INTS8: variants seen among roughly 807,000 people sequenced by gnomAD.
INTS8 encodes the protein integrator complex subunit 8, also known as protein kaonashi-1.
In INTS8, 47 loss-of-function variants were observed where a neutral mutation model predicts 138.9. That is an observed-to-expected ratio of 0.34 (90% confidence interval 0.27 to 0.43). The LOEUF is 0.43. Among genes scored for constraint, INTS8 ranks in the 20% least tolerant of loss-of-function variants. The probability of loss-of-function intolerance (pLI) is 1.00; values close to 1 mark genes in which losing one functional copy is unlikely to be tolerated. For synonymous variants in INTS8, 392 were observed against 400.9 expected, an observed-to-expected ratio of 0.98 and a Z score of 0.27; for missense variants, 996 against 1,173.0, an observed-to-expected ratio of 0.85 and a Z score of 2.20.
chr8:94,849,400 C>A, intron 10 of INTS8, 62 bp from the exon 11 acceptor site: 1 of 875,410 alleles, frequency 1.1e-6, no homozygotes, highest in South Asian at 1.5e-5. Context: ...CCAGCCTTTT[C>A]AAATTATAAT....
At chr8:94,862,431 G>T (rs926211095) in intron 16 of INTS8, among the ~76,000 whole-genome samples, 1 of 152,236 alleles carries the variant, frequency 6.6e-6, no homozygotes. Context: ...AGACAGCATA[G>T]TAACTCTTCT....
At position 94,880,207 on chromosome 8, in the gene INTS8, C is replaced by G; in HGVS notation, c.2961C>G (p.Leu987=). 1.9e-6 allele frequency: 3 copies of G among 1,605,858 alleles called. No homozygotes were observed. The highest frequency in any genetic ancestry group is 2.5e-6 in the Non-Finnish European group (3 of 1,176,748). The change falls in exon 27 of 27, where the codon CTC becomes CTG. Residue 987 remains leucine, a synonymous_variant. Coordinates refer to ENST00000523731, the MANE Select transcript of INTS8 (RefSeq NM_017864.4). ...CGCAGAGAAGGAAAAAAAAGTTTCT[C>G]CAAGCAATGGCAAAACTTTACTTTT... The part of the protein sequence containing the change: ...LAAQRRKKKF[L]QAMAKLYF
At chr8:94,849,889 G>C (rs1458102361) in intron 11 of INTS8, 27 bp from the exon 12 acceptor site, 2 of 1,522,208 alleles carry the variant, frequency 1.3e-6, no homozygotes, top group Non-Finnish European at 1.8e-6. Context: ...ACACTTTTTT[G>C]TTTTACAATA....
intron 6 of INTS8, among the ~76,000 whole-genome samples, chr8:94,834,073 A>T (rs1262768463): frequency 1.3e-5 from 2 of 152,200 alleles, no homozygotes; most frequent in African/African-American, 4.8e-5. Context: ...GATCATATCT[A>T]AAGTAGGTTC....
Position 94,849,907 on chromosome 8 carries a change from C to T in INTS8, c.1332-9C>T, listed in dbSNP as rs200353171. The T allele has an allele frequency of 2.5e-6, 4 of 1,571,616 alleles. No individual in the cohort carries two copies. The highest frequency in any genetic ancestry group is 1.9e-5 in the Admixed American group (1 of 52,256). ...CTTTTTTGTTTTACAATATTTCTTA[C>T]TGATCTAGGAATGTGTGTCTGGGGT... On this transcript the variant is annotated splice_polypyrimidine_tract_variant and intron_variant, in intron 11 of 26. Coordinates refer to ENST00000523731, the MANE Select transcript of INTS8 (RefSeq NM_017864.4).
intron 17 of INTS8, among the ~76,000 whole-genome samples, chr8:94,865,892 A>G (rs997140570): frequency 7.9e-5 from 12 of 152,198 alleles, no homozygotes; most frequent in South Asian, 2.1e-4. Flanking sequence ...TCTTTTGTTT[A>G]TATGTCATTT....
chr8:94,861,690 T>G (rs1406994770), intron 16 of INTS8, among the ~76,000 whole-genome samples: 2 of 151,810 alleles, frequency 1.3e-5, no homozygotes, highest in African/African-American at 4.8e-5. Flanking sequence ...GTAGCTGGGA[T>G]TACAGGCACG....
Position 94,881,635 on chromosome 8 carries a change from G to A in INTS8, c.*1401G>A. 2 of 1,612,834 alleles carry A rather than the reference G, an allele frequency of 1.2e-6. No individual in the cohort carries two copies. The highest frequency in any genetic ancestry group is 8.5e-7 in the Non-Finnish European group (1 of 1,179,616). ...CTTGTTTGCTTAGTTATCTTCTTTA[G>A]TGTTTTCCTGGTGGTTTTTCAGTGC... On this transcript the variant is annotated 3_prime_UTR_variant, in exon 27 of 27. Transcript: ENST00000523731.
chr8:94,879,590 C>T (rs1331440278), intron 26 of INTS8, among the ~76,000 whole-genome samples: 1 of 146,118 alleles, frequency 6.8e-6, no homozygotes, highest in Admixed American at 6.8e-5. Flanking sequence ...AATGAAGCTC[C>T]ATCTCAAAAA....
chr8:94,842,368 C>T lies in INTS8; in HGVS notation c.1140C>T (p.Ile380=), dbSNP rs1474545217. Residue 380 remains isoleucine, a synonymous_variant, in exon 10 of 27, where the codon ATC becomes ATT. Coordinates refer to ENST00000523731, the MANE Select transcript of INTS8 (RefSeq NM_017864.4). ...ACAGAAATGAAGCTCTAGATGAAATCTGTTTTAAAGTTTGTGCCTGTAATA... is the reference window on the plus strand; with the variant it reads ...ACAGAAATGAAGCTCTAGATGAAATTTGTTTTAAAGTTTGTGCCTGTAATA... ...AQQGNEALDE[I]CFKVCACNTV... 1.9e-6 allele frequency: 3 copies of T among 1,585,128 alleles called. No individual in the cohort carries two copies. The highest frequency in any genetic ancestry group is 1.8e-5 in the Admixed American group (1 of 56,088).
chr8:94,829,082 G>T, intron 5 of INTS8, 56 bp downstream of exon 5: 1 of 1,306,038 alleles, frequency 7.7e-7, no homozygotes, highest in African/African-American at 1.5e-5. Context: ...TAGAGCAGCA[G>T]TTCCCAACCT....
intron 13 of INTS8, among the ~76,000 whole-genome samples, chr8:94,852,928 T>A (rs1421513026): frequency 6.6e-6 from 1 of 152,114 alleles, no homozygotes; most frequent in Non-Finnish European, 1.5e-5. Context: ...AAAATTGGGT[T>A]TAAACATACT....
At chr8:94,839,269 ACCCT>A (rs1225626485) in intron 8 of INTS8, among the ~76,000 whole-genome samples, 1 of 151,694 alleles carries the variant, frequency 6.6e-6, no homozygotes, top group Non-Finnish European at 1.5e-5. Context: ...TGCGCGCCCC[ACCCT>A]CCCCACCAAC....
At chr8:94,839,437 A>T (rs1402724048) in intron 8 of INTS8, among the ~76,000 whole-genome samples, 1 of 152,232 alleles carries the variant, frequency 6.6e-6, no homozygotes. Flanking sequence ...TCATGAAATG[A>T]TAAAGCCATA....
intron 20 of INTS8, among the ~76,000 whole-genome samples, chr8:94,871,128 T>A (rs1171004894): frequency 1.3e-5 from 2 of 152,126 alleles, no homozygotes; most frequent in Non-Finnish European, 2.9e-5. Context: ...TGTCAGTGTC[T>A]GAGTCCTTGA....
rs1405778819 is a variant in INTS8, at chr8:94,849,999, A to C, written c.1415A>C (p.Glu472Ala). The stretch of plus-strand genomic sequence containing the variant: ...CTTTTCATTACATTGTTGAAAGATG[A>C]AGAACGAAAGCTACTTGTTGATCAG... ...HELFITLLKD[E>A]ERKLLVDQMR... is the part of the protein sequence containing the mutation. Residue 472 changes from glutamate (E) to alanine (A), a missense_variant, in exon 12 of 27, where the codon GAA (glutamate) becomes GCA (alanine). Glu to Ala is a moderately radical substitution (Grantham distance 107). Transcript: ENST00000523731. 1 of 1,613,034 alleles carries C rather than the reference A, an allele frequency of 6.2e-7. No individual in the cohort carries two copies. The highest frequency in any genetic ancestry group is 8.5e-7 in the Non-Finnish European group (1 of 1,179,188).
chr8:94,849,245 A>ATT (rs1563654327), intron 10 of INTS8, among the ~76,000 whole-genome samples: 1 of 152,192 alleles, frequency 6.6e-6, no homozygotes, highest in Non-Finnish European at 1.5e-5. Context: ...CTACATGTAT[A>ATT]CACCTGCACT....
intron 15 of INTS8, among the ~76,000 whole-genome samples, chr8:94,857,707 C>G (rs1483385322): frequency 6.6e-6 from 1 of 152,178 alleles, no homozygotes; most frequent in East Asian, 1.9e-4. Flanking sequence ...ACATGGCCTT[C>G]CCCCTGTGTA....
chr8:94,880,559 G>A lies in INTS8; in HGVS notation c.*325G>A, dbSNP rs561375160. 2 of 314,432 alleles carry A rather than the reference G, an allele frequency of 6.4e-6. No individual in the cohort carries two copies. Among genetic ancestry groups the A allele is most frequent in the Admixed American group, 4.8e-5 (1 of 20,710 alleles). The allele number at this position is 314,432 out of a possible 1,614,324, so 19.5% of individuals were successfully genotyped here. On this transcript the variant is annotated 3_prime_UTR_variant, in exon 27 of 27. Coordinates refer to ENST00000523731, the MANE Select transcript of INTS8 (RefSeq NM_017864.4). ...AAATATTTAGAAATAGCTAGCCTATGTACAGCAAGTTTTCATGTCTTTTTT... is the reference window on the plus strand; with the variant it reads ...AAATATTTAGAAATAGCTAGCCTATATACAGCAAGTTTTCATGTCTTTTTT...
Sources: allele counts gnomAD v4.1 joint callset (sites outside exome capture counted in the v4.1 genomes callset), GRCh38; gene constraint gnomAD v4.1.1; transcripts MANE v1.5; gene names NCBI Gene and HGNC (gene_info 2026-07-23, HGNC 2026-07-21).